Variants in RASSF6 observed in about 807,000 individuals in gnomAD.
The protein encoded by RASSF6 is Ras association domain family member 6.
Under a neutral mutation model 44.0 loss-of-function variants are expected in RASSF6, and 52 were observed. The ratio of observed to expected loss-of-function variants is 1.18; its 90% confidence interval spans 0.95 to 1.49. The LOEUF (loss-of-function observed/expected upper bound fraction) is 1.49, where lower values mean the gene tolerates loss of function less well. RASSF6 is among the 40% of genes most tolerant of loss of function. The pLI, the probability that RASSF6 is intolerant of heterozygous loss-of-function variation, is 0.00. For synonymous variants in RASSF6, 162 were observed against 124.6 expected (o/e 1.30, Z -2.00); for missense variants, 464 against 393.3 (o/e 1.18, Z -1.52).
intron 4 of RASSF6, among the ~76,000 whole-genome samples, chr4:73,591,550 A>G (rs1333810490): frequency 2.6e-5 from 4 of 152,136 alleles, no homozygotes; most frequent in African/African-American, 9.7e-5. Context: ...CCCAAGAGTA[A>G]TTTTTCCTTT....
chr4:73,611,583 A>G (rs749214565), intron 2 of RASSF6, 148 bp downstream of exon 2: 5 of 471,992 alleles, frequency 1.1e-5, no homozygotes, highest in Non-Finnish European at 1.9e-5. Context: ...CTTTAGGAAC[A>G]TACTTTTCCA....
chr4:73,616,897 C>T (rs1469446433), intron 1 of RASSF6, among the ~76,000 whole-genome samples: 2 of 152,114 alleles, frequency 1.3e-5, no homozygotes, highest in Admixed American at 6.5e-5. Flanking sequence ...TAGAGAAGAG[C>T]AGAGTTATAT....
Position 73,620,331 on chromosome 4 carries a change from T to C in RASSF6, c.-78A>G. ...GCAGGAGGACCCTTTTCACCATCGT[T>C]GTTCGGCTGAACTTGCTTCGCGGTT... is the stretch of plus-strand genomic sequence containing the variant. On this transcript the variant is annotated 5_prime_UTR_variant, in exon 1 of 11. Coordinates refer to ENST00000307439, the MANE Select transcript of RASSF6 (RefSeq NM_177532.5). 6.7e-7 allele frequency: 1 copy of C among 1,482,414 alleles called. No individual in the cohort carries two copies. The highest frequency in any genetic ancestry group is 8.9e-7 in the Non-Finnish European group (1 of 1,120,736). 91.8% of individuals were successfully genotyped at this position (1,482,414 alleles called of 1,614,324 possible).
At chr4:73,588,018 A>G in intron 4 of RASSF6, 84 bp from the exon 5 acceptor site, 1 of 852,318 alleles carries the variant, frequency 1.2e-6, no homozygotes, top group Non-Finnish European at 1.9e-6. Flanking sequence ...ATATTAATAT[A>G]GTAATACTGT....
At chr4:73,597,212 C>T (rs1724991440) in intron 3 of RASSF6, among the ~76,000 whole-genome samples, 2 of 152,108 alleles carry the variant, frequency 1.3e-5, no homozygotes, top group East Asian at 1.9e-4. Flanking sequence ...AATATTTTTG[C>T]AAACTATGCA....
intron 8 of RASSF6, among the ~76,000 whole-genome samples, chr4:73,578,843 C>A (rs943786034): frequency 2.0e-5 from 3 of 151,956 alleles, no homozygotes; most frequent in Non-Finnish European, 4.4e-5. Flanking sequence ...AACTCATGAC[C>A]TCAAATGATC....
chr4:73,611,932 GT>G, intron 1 of RASSF6, 103 bp from the exon 2 acceptor site: 1 of 663,544 alleles, frequency 1.5e-6, no homozygotes, highest in Non-Finnish European at 2.5e-6. Flanking sequence ...GTATAAGAAG[GT>G]TTTAGAAAGT....
chr4:73,606,817 C>T (rs977083622), intron 2 of RASSF6, among the ~76,000 whole-genome samples: 3 of 152,160 alleles, frequency 2.0e-5, no homozygotes, highest in African/African-American at 7.2e-5. Flanking sequence ...ATGCCCCTTG[C>T]TCCCTTGGGA....
At chr4:73,611,961 T>G in intron 1 of RASSF6, 132 bp from the exon 2 acceptor site, 4 of 504,706 alleles carry the variant, frequency 7.9e-6, no homozygotes, top group Non-Finnish European at 1.1e-5. Context: ...TAGTATGTCA[T>G]GTGTGAGCAA....
Position 73,575,661 on chromosome 4 carries a change from CAG to C in RASSF6, c.*572_*573del, listed in dbSNP as rs1185593341. The stretch of plus-strand genomic sequence containing the variant: ...GAAAATTTCAATTAGGATTTCTTAA[CAG>C]AGTCCATAATTTTTCCTTTCCAAAG... On this transcript the variant is annotated 3_prime_UTR_variant, in exon 11 of 11. Coordinates refer to ENST00000307439, the MANE Select transcript of RASSF6 (RefSeq NM_177532.5). 2 of 152,016 alleles carry C rather than the reference CAG, an allele frequency of 1.3e-5. No individual in the cohort carries two copies. The highest frequency in any genetic ancestry group is 2.9e-5 in the Non-Finnish European group (2 of 67,998). The allele number at this position is 152,016 out of a possible 1,614,324, so 9.4% of individuals were successfully genotyped here.
upstream of RASSF6, chr4:73,620,511 G>A: frequency 1.3e-6 from 2 of 1,527,560 alleles, no homozygotes; most frequent in African/African-American, 1.4e-5. Flanking sequence ...GGCTCAGCTG[G>A]GCGCTTGCAG....
At chr4:73,617,361 G>A (rs925161679) in intron 1 of RASSF6, among the ~76,000 whole-genome samples, 1 of 152,142 alleles carries the variant, frequency 6.6e-6, no homozygotes, top group African/African-American at 2.4e-5. Flanking sequence ...AAGCAGAAAC[G>A]GTCAGAGAAG....
At chr4:73,618,301 T>TTATCTATCTGTCTATCTATCTATC (rs1553906733) in intron 1 of RASSF6, among the ~76,000 whole-genome samples, 9 of 150,330 alleles carry the variant, frequency 6.0e-5, no homozygotes, top group South Asian at 2.1e-4. Flanking sequence ...TATAAAGTTG[T>TTATCTATCTGTCTATCTATCTATC]TATCTATCTA....
intron 8 of RASSF6, among the ~76,000 whole-genome samples, chr4:73,578,671 C>T (rs559660520): frequency 8.0e-5 from 12 of 149,316 alleles, no homozygotes; most frequent in African/African-American, 2.5e-4. Flanking sequence ...TGCAATGGCA[C>T]GATCTCAGCT....
chr4:73,587,918 C>T lies in RASSF6; in HGVS notation c.304G>A (p.Glu102Lys), dbSNP rs150722385. ...FSSKGMTRWG[E>K]FDDLYRISEL... ...CTAATACGATAGAGATCGTCAAATTCCCCCCAGCGTGTCATTCTGAGAAGT... is the reference window on the plus strand; with the variant it reads ...CTAATACGATAGAGATCGTCAAATTTCCCCCAGCGTGTCATTCTGAGAAGT... Residue 102 changes from glutamate (E) to lysine (K), a missense_variant, in exon 5 of 11, where the codon GAA becomes AAA. Transcript: ENST00000307439. The T allele has an allele frequency of 1.6e-4, 254 of 1,605,916 alleles. 1 individual carries two copies. Among genetic ancestry groups the T allele is most frequent in the Non-Finnish European group, 6.9e-5 (81 of 1,173,842 alleles).
chr4:73,608,674 A>G (rs1725810763), intron 2 of RASSF6, among the ~76,000 whole-genome samples: 1 of 152,234 alleles, frequency 6.6e-6, no homozygotes, highest in African/African-American at 2.4e-5. Context: ...TTTTATACAA[A>G]TAAGTCAGAA....
At chr4:73,589,420 A>G (rs538758024) in intron 4 of RASSF6, among the ~76,000 whole-genome samples, 117 of 152,220 alleles carry the variant, frequency 7.7e-4, no homozygotes, top group Middle Eastern at 6.8e-3. Context: ...AATGAAAAAC[A>G]GAAACTAAAA....
chr4:73,601,099 A>G (rs1318030533), intron 2 of RASSF6, among the ~76,000 whole-genome samples: 1 of 152,246 alleles, frequency 6.6e-6, no homozygotes, highest in African/African-American at 2.4e-5. Flanking sequence ...TGATAAAAGT[A>G]CATTACATAG....
At chr4:73,580,526 C>CA (rs1357738153) in intron 8 of RASSF6, among the ~76,000 whole-genome samples, 5 of 151,258 alleles carry the variant, frequency 3.3e-5, no homozygotes. Flanking sequence ...ACATCCTCTC[C>CA]AGTACCTGTT....
Sources: allele counts gnomAD v4.1 joint callset (sites outside exome capture counted in the v4.1 genomes callset), GRCh38; gene constraint gnomAD v4.1.1; transcripts MANE v1.5; gene names NCBI Gene and HGNC (gene_info 2026-07-23, HGNC 2026-07-21).